Variants in DEAF1 observed in about 807,000 individuals in gnomAD.
The protein encoded by DEAF1 is DEAF1 transcription factor, also known as deformed epidermal autoregulatory factor 1 homolog.
In DEAF1, 53 loss-of-function variants were observed where a neutral mutation model predicts 58.9. That is an observed-to-expected ratio of 0.90 (90% CI 0.72 to 1.13). DEAF1 has a LOEUF of 1.13. DEAF1 is among the 50% of genes most tolerant of loss of function. The probability of loss-of-function intolerance (pLI) is 0.00; values close to 1 mark genes in which losing one functional copy is unlikely to be tolerated. For missense variants in DEAF1, 685 were observed against 791.4 expected (o/e 0.87, Z 1.61); for synonymous variants, 385 against 340.4 (o/e 1.13, Z -1.44).
At chr11:648,154 C>T (rs1858585278) in intron 11 of DEAF1, among the ~76,000 whole-genome samples, 1 of 151,264 alleles carries the variant, frequency 6.6e-6, no homozygotes, top group South Asian at 2.1e-4. Context: ...CTTTTGTGTA[C>T]ATACCAAGTC....
intron 10 of DEAF1, among the ~76,000 whole-genome samples, chr11:665,393 T>A (rs1032998590): frequency 1.1e-4 from 16 of 152,230 alleles, no homozygotes; most frequent in Non-Finnish European, 1.8e-4. Flanking sequence ...ACACGTCCGA[T>A]ACACAGCTTT....
chr11:660,299 C>T (rs1363842542), intron 10 of DEAF1, among the ~76,000 whole-genome samples: 1 of 152,200 alleles, frequency 6.6e-6, no homozygotes, highest in Non-Finnish European at 1.5e-5. Flanking sequence ...TATGAAATGA[C>T]CATGATACAG....
At chr11:685,082 CTT>C (rs55670454) in intron 5 of DEAF1, 119 bp from the exon 6 acceptor site, 2,851 of 352,010 alleles carry the variant, frequency 8.1e-3, no homozygotes, top group Non-Finnish European at 9.5e-3. Flanking sequence ...TATAAAAATT[CTT>C]TTTTTTTTTT....
chr11:694,478 AC>A (rs1259855888), intron 1 of DEAF1: 88 of 271,786 alleles, frequency 3.2e-4, no homozygotes, highest in African/African-American at 2.1e-3. Flanking sequence ...TGGAGCAGGT[AC>A]GTGGGGAAAG....
intron 1 of DEAF1, chr11:703,711 G>A: frequency 8.1e-7 from 1 of 1,232,554 alleles, no homozygotes; most frequent in Non-Finnish European, 1.0e-6. Context: ...GTGCAAGAGT[G>A]GACTCTGGGT....
chr11:692,680 C>T (rs1251911910), intron 1 of DEAF1, among the ~76,000 whole-genome samples: 1 of 152,034 alleles, frequency 6.6e-6, no homozygotes, highest in Non-Finnish European at 1.5e-5. Flanking sequence ...TAGAGAAACC[C>T]CATCTCTACT....
intron 10 of DEAF1, among the ~76,000 whole-genome samples, chr11:656,042 C>T (rs1859038675): frequency 6.6e-6 from 1 of 152,026 alleles, no homozygotes; most frequent in African/African-American, 2.4e-5. Context: ...CCATATTGGT[C>T]AGGCTGGTCT....
At chr11:656,951 A>G (rs1282051098) in intron 10 of DEAF1, among the ~76,000 whole-genome samples, 3 of 152,080 alleles carry the variant, frequency 2.0e-5, no homozygotes, top group Non-Finnish European at 4.4e-5. Flanking sequence ...AGGCAGTAGC[A>G]TGAACTCATG....
chr11:685,046 T>G (rs1185421746), intron 5 of DEAF1, 83 bp from the exon 6 acceptor site: 3 of 1,064,246 alleles, frequency 2.8e-6, no homozygotes, highest in Non-Finnish European at 4.3e-6. Context: ...TTCAACCACT[T>G]TTACCACTTA....
chr11:646,401 GGGTTCC>G (rs1858501298), intron 11 of DEAF1: 1 of 152,192 alleles, frequency 6.6e-6, no homozygotes, highest in African/African-American at 2.4e-5. Flanking sequence ...CAACCAGGAA[GGGTTCC>G]GGTTCCTGCC....
chr11:665,136 G>A (rs1440407103), intron 10 of DEAF1, among the ~76,000 whole-genome samples: 1 of 123,698 alleles, frequency 8.1e-6, no homozygotes, highest in Non-Finnish European at 1.7e-5. Context: ...TGTCACACTC[G>A]GTCACTCTAA....
chr11:704,973 A>G (rs1475481175), intron 1 of DEAF1: 1 of 301,564 alleles, frequency 3.3e-6, no homozygotes, highest in South Asian at 2.9e-5. Flanking sequence ...AAGCTCATGC[A>G]TGGAGCAGGA....
At chr11:669,502 G>A (rs1859708344) in intron 10 of DEAF1, among the ~76,000 whole-genome samples, 1 of 151,634 alleles carries the variant, frequency 6.6e-6, no homozygotes, top group Non-Finnish European at 1.5e-5. Flanking sequence ...TGGGCGTGGT[G>A]GCGCATGCCT....
upstream of DEAF1, chr11:698,931 G>T (rs770656664): frequency 3.1e-6 from 5 of 1,613,156 alleles, no homozygotes; most frequent in Non-Finnish European, 4.2e-6. Context: ...CCAGAGGCCC[G>T]AATTGCTGCT....
At chr11:695,794 G>C, upstream of DEAF1, 4 of 1,235,816 alleles carry the variant, frequency 3.2e-6, no homozygotes, top group Non-Finnish European at 4.0e-6. Context: ...GAGGCTGCCG[G>C]GATCGCGACG....
At chr11:685,081 TC>T (rs535850784) in intron 5 of DEAF1, 118 bp from the exon 6 acceptor site, 39 of 708,170 alleles carry the variant, frequency 5.5e-5, no homozygotes, top group South Asian at 1.4e-4. Context: ...ATATAAAAAT[TC>T]TTTTTTTTTT....
At chr11:686,376 C>G (rs1456266054) in intron 5 of DEAF1, among the ~76,000 whole-genome samples, 1 of 152,008 alleles carries the variant, frequency 6.6e-6, no homozygotes, top group Non-Finnish European at 1.5e-5. Context: ...CAGGACCTAC[C>G]TCTTTCCTTT....
intron 6 of DEAF1, among the ~76,000 whole-genome samples, chr11:681,653 G>C (rs537700036): frequency 2.0e-5 from 3 of 152,002 alleles, no homozygotes; most frequent in African/African-American, 7.2e-5. Context: ...CTCGTGATCT[G>C]CCCACCTCGG....
Position 644,603 on chromosome 11 carries a change from G to A in DEAF1, c.1645C>T (p.Gln549Ter), listed in dbSNP as rs757439651. The A allele has an allele frequency of 4.3e-6, 7 of 1,613,020 alleles. No individual in the cohort carries two copies. Among genetic ancestry groups the A allele is most frequent in the Non-Finnish European group, 4.2e-6 (5 of 1,179,966 alleles). The part of the protein sequence containing the change: ...ICGQSAAVTV[Q>*]ADEVHVAESV... ...TCAGCCACGTGGACTTCGTCTGCCT[G>A]GACGGTGACAGCTGCTGACTGGCCG... Residue 549 changes from glutamine (Q) to a stop codon, truncating the protein, a stop_gained, in exon 12 of 12, where the codon CAG becomes TAG. Coordinates refer to ENST00000382409, the MANE Select transcript of DEAF1 (RefSeq NM_021008.4). LOFTEE classifies it high-confidence loss of function. This position sits in a 1 kb window ranked among gnomAD's most constrained non-coding sequence, Gnocchi z 4.3.
Sources: allele counts gnomAD v4.1 joint callset (sites outside exome capture counted in the v4.1 genomes callset), GRCh38; gene constraint gnomAD v4.1.1; non-coding constraint Gnocchi (gnomAD v3.1); transcripts MANE v1.5; gene names NCBI Gene and HGNC (gene_info 2026-07-23, HGNC 2026-07-21).